The following ALDH1A2 variants were observed in gnomAD, a reference collection of about 807,000 sequenced individuals.
The protein encoded by ALDH1A2 is retinal dehydrogenase 2.
A neutral mutation model predicts 60.3 loss-of-function variants in ALDH1A2; 27 were observed. That is an observed-to-expected ratio of 0.45 (90% CI 0.33 to 0.62). The LOEUF is 0.62. ALDH1A2 is among the 20% of genes least tolerant of loss of function. ALDH1A2 has a pLI of 0.02. For missense variants in ALDH1A2, 581 were observed against 643.8 expected, an observed-to-expected ratio of 0.90 and a Z score of 1.06; for synonymous variants, 289 against 232.4, an observed-to-expected ratio of 1.24 and a Z score of -2.21.
chr15:58,000,555 C>T (rs973909201), intron 4 of ALDH1A2, among the ~76,000 whole-genome samples: 1 of 151,930 alleles, frequency 6.6e-6, no homozygotes, highest in Non-Finnish European at 1.5e-5. Flanking sequence ...TAAGGAAAAT[C>T]TAAAATCTAA....
intron 7 of ALDH1A2, among the ~76,000 whole-genome samples, chr15:57,967,768 G>A (rs1275646468): frequency 6.6e-6 from 1 of 152,160 alleles, no homozygotes; most frequent in Non-Finnish European, 1.5e-5. Context: ...GTGAGCTGTG[G>A]CCAACCTGCC....
rs1332840100 is a variant in ALDH1A2, at chr15:58,036,640, AG to A, written c.118-22360del. The stretch of plus-strand genomic sequence containing the variant: ...GAAGACACTGCAAAATATATACTAA[AG>A]GCCTCTTCTGAGCATGAAATTGTAA... On this transcript the variant is annotated intron_variant, in intron 1 of 12. Transcript: ENST00000249750. 2.0e-5 allele frequency: 3 copies of A among 151,636 alleles called. No homozygotes were observed. The East Asian group carries it at 5.8e-4, about 29-fold the overall frequency. The allele number at this position is 151,636 out of a possible 1,614,324, so 9.4% of individuals were successfully genotyped here. A position where few individuals can be genotyped will look rare whatever the true frequency, so the allele number is the denominator to read the frequency against.
chr15:58,003,515 G>A (rs575589045), intron 4 of ALDH1A2, among the ~76,000 whole-genome samples: 13 of 151,950 alleles, frequency 8.6e-5, no homozygotes, highest in African/African-American at 3.1e-4. Flanking sequence ...TTTTCTATAT[G>A]CTAACATATC....
intron 1 of ALDH1A2, among the ~76,000 whole-genome samples, chr15:58,029,402 G>A (rs1268711964): frequency 6.6e-6 from 1 of 152,164 alleles, no homozygotes; most frequent in Non-Finnish European, 1.5e-5. Flanking sequence ...GCAGTGTGTA[G>A]AGGGAAATTT....
intron 8 of ALDH1A2, chr15:57,964,276 C>G (rs1893825104): frequency 1.7e-6 from 1 of 582,778 alleles, no homozygotes; most frequent in East Asian, 2.9e-5. Context: ...CTTTGGGTCT[C>G]TTTCTTATTC....
chr15:58,018,153 C>T (rs1479109411), intron 1 of ALDH1A2, among the ~76,000 whole-genome samples: 2 of 151,742 alleles, frequency 1.3e-5, no homozygotes, highest in Non-Finnish European at 2.9e-5. Context: ...CATTGTGGTG[C>T]CTGAAATCAA....
chr15:58,001,905 G>A (rs1184184936), intron 4 of ALDH1A2, among the ~76,000 whole-genome samples: 2 of 151,906 alleles, frequency 1.3e-5, no homozygotes, highest in Non-Finnish European at 2.9e-5. Flanking sequence ...AGGTCAATAG[G>A]TGAGAACACA....
chr15:58,012,728 A>T (rs1488034541), intron 3 of ALDH1A2, among the ~76,000 whole-genome samples: 4 of 152,196 alleles, frequency 2.6e-5, no homozygotes, highest in Admixed American at 2.0e-4. Context: ...TTGTTCCCAT[A>T]CTATGAACAG....
intron 12 of ALDH1A2, among the ~76,000 whole-genome samples, chr15:57,958,379 C>T (rs1893610087): frequency 6.6e-6 from 1 of 152,166 alleles, no homozygotes; most frequent in East Asian, 1.9e-4. Flanking sequence ...CCCCTCATCT[C>T]AGGGGAGTTT....
At chr15:57,998,822 A>G (rs887416317) in intron 4 of ALDH1A2, among the ~76,000 whole-genome samples, 3 of 152,176 alleles carry the variant, frequency 2.0e-5, no homozygotes, top group African/African-American at 7.2e-5. Flanking sequence ...TACAGTAACC[A>G]AAACAACATG....
chr15:58,064,472 T>C (rs1311327759), intron 1 of ALDH1A2, among the ~76,000 whole-genome samples: 2 of 152,364 alleles, frequency 1.3e-5, no homozygotes, highest in East Asian at 3.9e-4. Context: ...GCAAACAATT[T>C]ACTTCTCTAC....
At chr15:58,057,845 A>C (rs1896935339) in intron 1 of ALDH1A2, among the ~76,000 whole-genome samples, 1 of 152,214 alleles carries the variant, frequency 6.6e-6, no homozygotes. Context: ...ATAAATGTTA[A>C]ATACACAAAT....
chr15:57,999,951 C>G (rs910281447), intron 4 of ALDH1A2, among the ~76,000 whole-genome samples: 2 of 151,746 alleles, frequency 1.3e-5, no homozygotes, highest in Non-Finnish European at 2.9e-5. Context: ...AACACAGGAA[C>G]TAACACAGGA....
At chr15:58,039,372 G>C (rs1896457327) in intron 1 of ALDH1A2, among the ~76,000 whole-genome samples, 1 of 151,460 alleles carries the variant, frequency 6.6e-6, no homozygotes, top group Middle Eastern at 3.4e-3. Context: ...CTAAACACCA[G>C]ATGAAAAAGG....
intron 4 of ALDH1A2, among the ~76,000 whole-genome samples, chr15:57,999,065 G>A (rs558421406): frequency 6.6e-6 from 1 of 152,032 alleles, no homozygotes; most frequent in Admixed American, 6.6e-5. Flanking sequence ...ATGAATTAAA[G>A]ACTTAAGTGC....
intron 1 of ALDH1A2, among the ~76,000 whole-genome samples, chr15:58,021,066 C>G (rs1204622885): frequency 6.6e-6 from 1 of 152,156 alleles, no homozygotes; most frequent in African/African-American, 2.4e-5. Flanking sequence ...AAGCCTTTCT[C>G]CAGTATTTGT....
At chr15:57,999,375 C>T (rs760657960) in intron 4 of ALDH1A2, among the ~76,000 whole-genome samples, 5 of 151,484 alleles carry the variant, frequency 3.3e-5, no homozygotes, top group Non-Finnish European at 5.9e-5. Flanking sequence ...AAAAAGTGGG[C>T]AAAAGGACAT....
Position 58,053,975 on chromosome 15 carries a change from T to C in ALDH1A2, c.117+11559A>G, listed in dbSNP as rs114105613. ...CCAGGCTGTTATCTGGAATAGTATA[T>C]GTCGCCAATTCAATCCATTAAGTAA... On this transcript the variant is annotated intron_variant, in intron 1 of 12. Transcript: ENST00000249750. Among the ~76,000 whole-genome samples, 774 of 152,258 alleles carry C rather than the reference T, an allele frequency of 5.1e-3. 7 individuals are homozygous for C. The highest frequency in any genetic ancestry group is 0.017 in the African/African-American group (720 of 41,556).
intron 1 of ALDH1A2, among the ~76,000 whole-genome samples, chr15:58,052,645 C>G (rs1896804923): frequency 6.6e-6 from 1 of 151,978 alleles, no homozygotes; most frequent in South Asian, 2.1e-4. Context: ...AATAAATGAT[C>G]AAGTTATTTT....
Sources: gnomAD v4.1 joint callset for allele counts (sites outside exome capture counted in the v4.1 genomes callset) on GRCh38, gnomAD v4.1.1 for gene constraint, MANE v1.5 for transcripts, NCBI Gene and HGNC (gene_info 2026-07-23, HGNC 2026-07-21) for gene names.